AIFM3: variants seen among roughly 807,000 people sequenced by gnomAD.
The protein encoded by AIFM3 is AIF family member 3, also known as apoptosis-inducing factor 3.
In AIFM3, 71 loss-of-function variants were observed where a neutral mutation model predicts 82.7. The ratio of observed to expected loss-of-function variants is 0.86; its 90% CI spans 0.71 to 1.05. The LOEUF (loss-of-function observed/expected upper bound fraction) is 1.05. Ranked by LOEUF, AIFM3 falls within the 50% of genes least tolerant of loss-of-function variation. The pLI is 0.00. For missense variants in AIFM3, 748 were observed against 816.7 expected, an observed-to-expected ratio of 0.92 and a Z score of 1.03; for synonymous variants, 337 against 329.1, an observed-to-expected ratio of 1.02 and a Z score of -0.26.
chr22:20,978,000 C>T lies in AIFM3; in HGVS notation c.1472C>T (p.Ala491Val), dbSNP rs1224794700. 1.2e-6 allele frequency: 2 copies of T among 1,614,118 alleles called. No homozygotes were observed. Among genetic ancestry groups the T allele is most frequent in the East Asian group, 2.2e-5 (1 of 44,882 alleles). The change falls in exon 16 of 21, where the codon GCT becomes GTT. Residue 491 changes from alanine (A) to valine (V), a missense_variant. Coordinates refer to ENST00000440238, the MANE Select transcript of AIFM3 (RefSeq NM_001386814.1). ...VNIPHWQMAHAQGRVAAQNML... is the reference protein window; with the variant it reads ...VNIPHWQMAHVQGRVAAQNML... The stretch of plus-strand genomic sequence containing the variant: ...ATTCCACATTGGCAGATGGCTCATG[C>T]TCAGGGTATGGCCAGTCCCGAGGCA...
At chr22:20,978,630 C>T (rs538883356) in intron 16 of AIFM3, among the ~76,000 whole-genome samples, 2 of 152,126 alleles carry the variant, frequency 1.3e-5, no homozygotes, top group African/African-American at 4.8e-5. Context: ...CTTCTCTGCA[C>T]CCATCTCCCC....
chr22:20,970,039 C>T (rs541162292), intron 2 of AIFM3, among the ~76,000 whole-genome samples: 1 of 152,178 alleles, frequency 6.6e-6, no homozygotes, highest in Non-Finnish European at 1.5e-5. Context: ...AGGTATCAGA[C>T]CAGTCCCTCA....
intron 2 of AIFM3, among the ~76,000 whole-genome samples, chr22:20,972,675 C>T (rs1923345025): frequency 6.6e-6 from 1 of 152,148 alleles, no homozygotes; most frequent in South Asian, 2.1e-4. Context: ...GTTCTTTCTG[C>T]CACAGAGGTT....
At chr22:20,971,973 G>T (rs985660240) in intron 2 of AIFM3, among the ~76,000 whole-genome samples, 1 of 152,124 alleles carries the variant, frequency 6.6e-6, no homozygotes, top group Non-Finnish European at 1.5e-5. Flanking sequence ...CTGTGGGGGG[G>T]GGGGGCTGTG....
At position 20,976,328 on chromosome 22, in the gene AIFM3, C is replaced by A. The variant is rs1923655296; in HGVS notation, c.899+22C>A. The A allele has an allele frequency of 3.7e-6, 6 of 1,613,740 alleles. No homozygotes were observed. The East Asian group carries it at 1.1e-4, about 30-fold the overall frequency. ...GCAGGTGGGAGGGTCTCCTTTTTAC[C>A]CATCGGACACTAGGCAGGGCACTGG... is the stretch of plus-strand genomic sequence containing the variant. On this transcript the variant is annotated intron_variant, in intron 10 of 20. Coordinates refer to ENST00000440238, the MANE Select transcript of AIFM3 (RefSeq NM_001386814.1).
At chr22:20,977,667 CA>C (rs777579351) in intron 14 of AIFM3, 32 bp from the exon 15 acceptor site, 1 of 1,613,294 alleles carries the variant, frequency 6.2e-7, no homozygotes, top group South Asian at 1.1e-5. Flanking sequence ...AAGGCAGGGA[CA>C]GGGGAGTGGA....
In AIFM3 at chr22:20,977,937, C is replaced by T; in HGVS notation, c.1409C>T (p.Thr470Ile). 1 of 1,614,186 alleles carries T rather than the reference C, an allele frequency of 6.2e-7. No homozygotes were observed. The highest frequency in any genetic ancestry group is 8.5e-7 in the Non-Finnish European group (1 of 1,180,020). Residue 470 changes from threonine (T) to isoleucine (I), a missense_variant, in exon 16 of 21, where the codon ACC (threonine) becomes ATC (isoleucine). Thr to Ile is a moderately conservative substitution (Grantham distance 89). Coordinates refer to ENST00000440238, the MANE Select transcript of AIFM3 (RefSeq NM_001386814.1). Reference protein sequence around the residue: ...PGVFAAGDAVTFPLAWRNNRK... With the variant: ...PGVFAAGDAVIFPLAWRNNRK... Reference sequence around the variant, plus strand: ...GTGTTTGCAGCTGGCGATGCTGTCACCTTCCCCCTTGCCTGGAGGAACAAC... The same window carrying T: ...GTGTTTGCAGCTGGCGATGCTGTCATCTTCCCCCTTGCCTGGAGGAACAAC...
In AIFM3 at chr22:20,967,966, C is replaced by T. The variant is rs1279914135; in HGVS notation, c.22C>T (p.Pro8Ser). The T allele has an allele frequency of 2.5e-6, 4 of 1,614,112 alleles. No homozygotes were observed. The highest frequency in any genetic ancestry group is 3.4e-6 in the Non-Finnish European group (4 of 1,179,964). Residue 8 changes from proline to serine, a missense_variant, in exon 2 of 21, where the codon CCC (proline) becomes TCC (serine). Physicochemically the swap from Pro to Ser is moderately conservative, Grantham distance 74 (BLOSUM62 -1). This residue lies in a region of AIFM3 where 17 missense variants were observed against 19.0 expected (regional missense o/e 0.89). Coordinates refer to ENST00000440238, the MANE Select transcript of AIFM3 (RefSeq NM_001386814.1). Reference protein sequence around the residue: MGGCFSKPKPVELKIEVV... With the variant: MGGCFSKSKPVELKIEVV... ...CGCCATGGGCGGCTGCTTCTCCAAA[C>T]CCAAACCAGGTACCTCCTGTCTTCT...
In AIFM3 at chr22:20,967,976, G is replaced by A; in HGVS notation, c.31+1G>A. 6.2e-7 allele frequency: 1 copy of A among 1,613,978 alleles called. No individual in the cohort carries two copies. The highest frequency in any genetic ancestry group is 8.5e-7 in the Non-Finnish European group (1 of 1,179,928). ...GGCTGCTTCTCCAAACCCAAACCAG[G>A]TACCTCCTGTCTTCTTGTCTCCATC... On this transcript the variant is annotated splice_donor_variant, in intron 2 of 20. Transcript: ENST00000440238. LOFTEE classifies it high-confidence loss of function.
chr22:20,980,201 C>T (rs1245103358), intron 19 of AIFM3, 77 bp downstream of exon 19: 13 of 1,363,014 alleles, frequency 9.5e-6, no homozygotes, highest in African/African-American at 7.2e-5. Context: ...GACAGCCAGC[C>T]GCCCCCACAA....
intron 13 of AIFM3, 39 bp from the exon 14 acceptor site, chr22:20,976,993 G>A (rs2147946567): frequency 6.2e-7 from 1 of 1,614,198 alleles, no homozygotes; most frequent in East Asian, 2.2e-5. Flanking sequence ...CCTGAGCCTG[G>A]GAGCTGGGTC....
intron 1 of AIFM3, 33 bp from the exon 2 acceptor site, chr22:20,967,772 C>T (rs1026298385): frequency 9.1e-6 from 6 of 662,658 alleles, no homozygotes; most frequent in Admixed American, 2.4e-5. Context: ...TGCCCACACG[C>T]CCCGGTCCTG....
rs771609239 is a variant in AIFM3 at position 20,967,851 on chromosome 22, C to T, written c.-94C>T. ...GATGGCGGCTCCAGCGTCTCTAAGG[C>T]CTGCAGGGGGTCCAGCCCCATGGGG... On this transcript the variant is annotated 5_prime_UTR_variant, in exon 2 of 21. Transcript: ENST00000440238. The T allele has an allele frequency of 4.3e-6, 6 of 1,402,804 alleles. No individual in the cohort carries two copies. The highest frequency in any genetic ancestry group is 6.1e-6 in the Non-Finnish European group (6 of 991,316). 86.9% of individuals were successfully genotyped at this position (1,402,804 alleles called of 1,614,324 possible).
At chr22:20,974,023 C>A (rs1314672911) in intron 4 of AIFM3, 40 bp from the exon 5 acceptor site, 9 of 1,561,050 alleles carry the variant, frequency 5.8e-6, no homozygotes, top group Non-Finnish European at 7.8e-6. Flanking sequence ...TGGGAAGCAA[C>A]CCCTGCTGGT....
intron 16 of AIFM3, 30 bp downstream of exon 16, chr22:20,978,035 G>T (rs754164993): frequency 1.2e-6 from 2 of 1,605,014 alleles, no homozygotes; most frequent in Non-Finnish European, 1.7e-6. Flanking sequence ...ACATGGAGGG[G>T]TGGGAGGGAG....
At chr22:20,977,833 G>A (rs178277) in intron 15 of AIFM3, 55 bp from the exon 16 acceptor site, 658,740 of 1,613,588 alleles carry the variant, frequency 0.41, 137,896 homozygotes, top group East Asian at 0.58. Context: ...AGTGGCAGGA[G>A]GTTCAGGTCA....
chr22:20,972,402 C>CAAA (rs58947717), intron 2 of AIFM3, among the ~76,000 whole-genome samples: 1 of 125,728 alleles, frequency 8.0e-6, no homozygotes. Flanking sequence ...AACTCCATCT[C>CAAA]AAAAAAAAAA....
At chr22:20,974,457 G>C in intron 6 of AIFM3, 68 bp from the exon 7 acceptor site, 1 of 1,571,028 alleles carries the variant, frequency 6.4e-7, no homozygotes, top group African/African-American at 1.3e-5. Context: ...TGGAGCGCCA[G>C]GACCTGCCTG....
rs1365428586 is a variant in AIFM3 at position 20,974,171 on chromosome 22, A to G, written c.464A>G (p.Gln155Arg). The G allele has an allele frequency of 6.6e-7, 1 of 1,521,286 alleles. No individual in the cohort carries two copies. 94.2% of individuals were successfully genotyped at this position (1,521,286 alleles called of 1,614,324 possible). Residue 155 changes from glutamine (Q) to arginine (R), a missense_variant and splice_region_variant, in exon 5 of 21, where the codon CAG becomes CGG. Coordinates refer to ENST00000440238, the MANE Select transcript of AIFM3 (RefSeq NM_001386814.1). ...FPGLDSLHKFQVKIEKEKVYV... is the reference protein window; with the variant it reads ...FPGLDSLHKFRVKIEKEKVYV... ...GGCCTGGACAGTCTACACAAGTTCCAGGTGGGGCCAGGAGTGCGATGGGGT... is the reference window on the plus strand; with the variant it reads ...GGCCTGGACAGTCTACACAAGTTCCGGGTGGGGCCAGGAGTGCGATGGGGT...
Sources: gnomAD v4.1 joint callset for allele counts (sites outside exome capture counted in the v4.1 genomes callset) on GRCh38, gnomAD v4.1.1 for gene constraint, gnomAD v4.1.1 regional missense constraint, MANE v1.5 for transcripts, NCBI Gene and HGNC (gene_info 2026-07-23, HGNC 2026-07-21) for gene names.